TRMT44: variants seen among roughly 807,000 people sequenced by gnomAD.
The protein encoded by TRMT44 is tRNA methyltransferase 44 homolog, also known as probable tRNA (uracil-O(2)-)-methyltransferase.
Under a neutral mutation model 77.3 loss-of-function variants are expected in TRMT44, and 78 were observed. The ratio of observed to expected loss-of-function variants is 1.01; its 90% CI spans 0.84 to 1.22. The LOEUF (loss-of-function observed/expected upper bound fraction) is 1.22, where lower values mean the gene tolerates loss of function less well. Ranked by LOEUF, TRMT44 falls within the 50% of genes most tolerant of loss-of-function variation. TRMT44 has a pLI of 0.00. For missense variants in TRMT44, 1,090 were observed against 964.4 expected (o/e 1.13, Z -1.73); for synonymous variants, 391 against 383.3 (o/e 1.02, Z -0.23).
intron 6 of TRMT44, among the ~76,000 whole-genome samples, chr4:8,463,479 C>A (rs142511221): frequency 5.3e-5 from 8 of 152,112 alleles, no homozygotes; most frequent in African/African-American, 1.9e-4. Flanking sequence ...TAAAGAATTT[C>A]GTGTATTTAC....
downstream of TRMT44, chr4:8,477,447 C>T (rs537647241): frequency 3.9e-5 from 6 of 152,382 alleles, no homozygotes; most frequent in South Asian, 2.1e-4. Flanking sequence ...CCCAGTTTGT[C>T]GAGCAGCTGC....
downstream of TRMT44, among the ~76,000 whole-genome samples, chr4:8,480,055 T>TG (rs1328763892): frequency 6.6e-6 from 1 of 152,046 alleles, no homozygotes; most frequent in African/African-American, 2.4e-5. Context: ...AGGCTGGTCT[T>TG]GAACTCCTGG....
chr4:8,495,650 T>G (rs1338802662), downstream of TRMT44, among the ~76,000 whole-genome samples: 3 of 152,152 alleles, frequency 2.0e-5, no homozygotes, highest in African/African-American at 7.2e-5. Context: ...GCCTCATATC[T>G]CCTTCCAGAA....
intron 9 of TRMT44, 100 bp from the exon 10 acceptor site, chr4:8,470,982 CGT>C (rs1726951787): frequency 2.6e-6 from 2 of 761,554 alleles, no homozygotes; most frequent in Middle Eastern, 2.9e-4. Flanking sequence ...GTGCATAACG[CGT>C]GTGAGTGTAT....
chr4:8,441,767 A>C (rs1302326952), intron 1 of TRMT44, among the ~76,000 whole-genome samples: 2 of 152,178 alleles, frequency 1.3e-5, no homozygotes, highest in African/African-American at 4.8e-5. Context: ...TAGGGTACTC[A>C]AAGTCCGGTG....
downstream of TRMT44, chr4:8,493,566 T>A (rs1178076257): frequency 6.6e-6 from 1 of 152,188 alleles, no homozygotes; most frequent in Admixed American, 6.5e-5. Context: ...CCTGTTTTGA[T>A]CCATCAGCTC....
intron 2 of TRMT44, among the ~76,000 whole-genome samples, chr4:8,486,912 G>C (rs1727827946): frequency 6.6e-6 from 1 of 152,146 alleles, no homozygotes; most frequent in African/African-American, 2.4e-5. Flanking sequence ...GCCCAGGGAG[G>C]AGGGGAGAGG....
chr4:8,473,410 C>G (rs1727157256), intron 10 of TRMT44: 1 of 152,408 alleles, frequency 6.6e-6, no homozygotes, highest in Admixed American at 6.5e-5. Flanking sequence ...AGACAAGTCT[C>G]AGAGAGGTCA....
At chr4:8,481,328 C>T (rs527557443), downstream of TRMT44, among the ~76,000 whole-genome samples, 9 of 152,326 alleles carry the variant, frequency 5.9e-5, no homozygotes, top group African/African-American at 2.2e-4. Context: ...TCTCATGCCT[C>T]CCTAAAATAC....
chr4:8,475,826 C>G lies in TRMT44; in HGVS notation c.2099C>G (p.Thr700Arg), dbSNP rs1727341480. 1 of 1,614,172 alleles carries G rather than the reference C, an allele frequency of 6.2e-7. No individual in the cohort carries two copies. Among genetic ancestry groups the G allele is most frequent in the Non-Finnish European group, 8.5e-7 (1 of 1,180,054 alleles). The change falls in exon 11 of 11, where the codon ACA becomes AGA. Residue 700 changes from threonine (T) to arginine (R), a missense_variant. Transcript: ENST00000389737. The stretch of plus-strand genomic sequence containing the variant: ...TGGCGAGAGGAGACACTGTGGAAGA[C>G]AAAGCAACCGGAAGCGAAACAGAGA... The part of the protein sequence containing the change: ...RDWREETLWK[T>R]KQPEAKQRLL...
intron 9 of TRMT44, 150 bp from the exon 10 acceptor site, chr4:8,470,934 T>G: frequency 3.4e-6 from 2 of 595,006 alleles, no homozygotes; most frequent in Non-Finnish European, 3.0e-6. Flanking sequence ...TGCGGTGTGG[T>G]GTGGGTTAGG....
At chr4:8,503,323 C>A in the TRMT44 span, among the ~76,000 whole-genome samples, 4 of 152,358 alleles carry the variant, frequency 2.6e-5, no homozygotes, top group Admixed American at 2.6e-4. Context: ...TCCCAGCAGA[C>A]CCTAGGCCGT....
intron 6 of TRMT44, among the ~76,000 whole-genome samples, chr4:8,459,509 G>C (rs1001960885): frequency 6.6e-6 from 1 of 152,196 alleles, no homozygotes; most frequent in Non-Finnish European, 1.5e-5. Flanking sequence ...CAGCTCTTCT[G>C]TTCTTGACCA....
At chr4:8,494,742 T>C (rs1053762522), downstream of TRMT44, among the ~76,000 whole-genome samples, 1 of 152,140 alleles carries the variant, frequency 6.6e-6, no homozygotes. Flanking sequence ...ACTTTCTAAA[T>C]TGGTTGAGGC....
rs1288072440 is a variant in TRMT44 at position 8,441,165 on chromosome 4, G to A, written c.343G>A (p.Glu115Lys). The change falls in exon 1 of 11, where the codon GAA (glutamate) becomes AAA (lysine). Residue 115 changes from glutamate to lysine, a missense_variant. Glu to Lys is a moderately conservative substitution (Grantham distance 56). Coordinates refer to ENST00000389737, the MANE Select transcript of TRMT44 (RefSeq NM_152544.3). Reference protein sequence around the residue: ...GQCQQEEAQREAASVPLRDSG... With the variant: ...GQCQQEEAQRKAASVPLRDSG... ...GTGCCAGCAAGAGGAGGCACAGAGGGAAGCCGCCTCAGTGCCCCTGAGGGA... is the reference window on the plus strand; with the variant it reads ...GTGCCAGCAAGAGGAGGCACAGAGGAAAGCCGCCTCAGTGCCCCTGAGGGA... 1.3e-6 allele frequency: 2 copies of A among 1,529,468 alleles called. No homozygotes were observed. Among genetic ancestry groups the A allele is most frequent in the African/African-American group, 2.7e-5 (2 of 72,966 alleles). 94.7% of individuals were successfully genotyped at this position (1,529,468 alleles called of 1,614,324 possible). A position where few individuals can be genotyped will look rare whatever the true frequency, so the allele number is the denominator to read the frequency against.
intron 10 of TRMT44, among the ~76,000 whole-genome samples, chr4:8,475,223 G>A (rs906106193): frequency 2.0e-5 from 3 of 152,230 alleles, no homozygotes; most frequent in Non-Finnish European, 2.9e-5. Flanking sequence ...CTTTCTGCCC[G>A]TAATGCTGAC....
At chr4:8,508,283 T>C in the TRMT44 span, among the ~76,000 whole-genome samples, 1 of 152,146 alleles carries the variant, frequency 6.6e-6, no homozygotes, top group Non-Finnish European at 1.5e-5. Context: ...CGTATGGCTG[T>C]GGGAGGGTGA....
At chr4:8,481,079 T>C (rs1344943052), downstream of TRMT44, among the ~76,000 whole-genome samples, 1 of 152,232 alleles carries the variant, frequency 6.6e-6, no homozygotes, top group Non-Finnish European at 1.5e-5. Context: ...TTGTCATCTA[T>C]TGTCTCTAAG....
At position 8,454,805 on chromosome 4, in the gene TRMT44, CAGTT is replaced by C. The variant is rs1422253712; in HGVS notation, c.1198_1201del (p.Leu400ArgfsTer19). The C allele has an allele frequency of 1.2e-5, 20 of 1,614,146 alleles. No homozygotes were observed. The highest frequency in any genetic ancestry group is 1.5e-5 in the Non-Finnish European group (18 of 1,179,984). On this transcript the variant is annotated frameshift_variant, in exon 6 of 11. Coordinates refer to ENST00000389737, the MANE Select transcript of TRMT44 (RefSeq NM_152544.3). LOFTEE classifies it high-confidence loss of function. ...CTGGGACATGTATGGACCACAAACT[CAGTT>C]AGAGGTACCGTCTTTATTACGCATG...
Sources: allele counts gnomAD v4.1 joint callset (sites outside exome capture counted in the v4.1 genomes callset), GRCh38; gene constraint gnomAD v4.1.1; transcripts MANE v1.5; gene names NCBI Gene and HGNC (gene_info 2026-07-23, HGNC 2026-07-21).